Variants in ENDOV observed in about 807,000 individuals in gnomAD.
ENDOV encodes the protein hEndoV.
In ENDOV, 37 loss-of-function variants were observed where a neutral mutation model predicts 39.4. The observed-to-expected ratio is 0.94, with a 90% CI of 0.72 to 1.23. The LOEUF (loss-of-function observed/expected upper bound fraction) is 1.23. Ranked by LOEUF, ENDOV falls within the 50% of genes most tolerant of loss-of-function variation. The probability of loss-of-function intolerance (pLI) is 0.00; values close to 1 mark genes in which losing one functional copy is unlikely to be tolerated. For missense variants in ENDOV, 441 were observed against 375.7 expected (o/e 1.17, Z -1.44); for synonymous variants, 186 against 163.4 (o/e 1.14, Z -1.05).
rs938089539 is a variant in ENDOV, at chr17:80,419,852, C to T, written c.229-1976C>T. The T allele has an allele frequency of 5.8e-5, 35 of 598,846 alleles. 1 individual carries two copies. In the Admixed American group the frequency reaches 6.8e-4, roughly 12 times the overall value. 37.1% of individuals were successfully genotyped at this position (598,846 alleles called of 1,614,324 possible). ...TAACTGTCACCCACGCCATTTCAGT[C>T]GGTGTAGCTGGAAACACTGGTAGCT... On this transcript the variant is annotated intron_variant, in intron 2 of 9. Coordinates refer to ENST00000518137, the MANE Select transcript of ENDOV (RefSeq NM_173627.5).
At position 80,415,671 on chromosome 17, in the gene ENDOV, C is replaced by G; in HGVS notation, c.78C>G (p.Ala26=). The change falls in exon 2 of 10, where the codon GCC becomes GCG. Residue 26 remains alanine (A), a synonymous_variant. Transcript: ENST00000518137. ...CTAGGGAGCAAGCTCGGCTGAAGGC[C>G]CACGTCGTAGACCGGGACACCGAGG... ...LWKREQARLK[A]HVVDRDTEAW... 1 of 1,612,606 alleles carries G rather than the reference C, an allele frequency of 6.2e-7. No individual in the cohort carries two copies. Among genetic ancestry groups the G allele is most frequent in the South Asian group, 1.1e-5 (1 of 90,750 alleles).
In ENDOV at chr17:80,428,588, TC is replaced by T; in HGVS notation, c.715-3del. 2 of 1,576,020 alleles carry T rather than the reference TC, an allele frequency of 1.3e-6. No individual in the cohort carries two copies. Among genetic ancestry groups the T allele is most frequent in the Admixed American group, 1.8e-5 (1 of 55,264 alleles). ...CTCAGCACCCAGCAGCACGTCTGTC[TC>T]CCCCAGGCTGACATCTGCTCCCGAG... On this transcript the variant is annotated splice_region_variant and splice_polypyrimidine_tract_variant and intron_variant, in intron 7 of 9. Transcript: ENST00000518137.
chr17:80,426,190 G>A (rs183140052), intron 7 of ENDOV, among the ~76,000 whole-genome samples: 2 of 152,352 alleles, frequency 1.3e-5, no homozygotes, highest in Admixed American at 6.5e-5. Flanking sequence ...CAGCTGGCAC[G>A]AGATGCCCAC....
At chr17:80,422,118 C>T (rs929573590) in intron 3 of ENDOV, 88 bp from the exon 4 acceptor site, 6 of 1,586,596 alleles carry the variant, frequency 3.8e-6, no homozygotes, top group Non-Finnish European at 4.3e-6. Context: ...ACCCCAGAGA[C>T]AGTGCCCCCT....
Position 80,436,442 on chromosome 17 carries a change from G to T in ENDOV, c.*299G>T. On this transcript the variant is annotated 3_prime_UTR_variant, in exon 10 of 10. Coordinates refer to ENST00000518137, the MANE Select transcript of ENDOV (RefSeq NM_173627.5). ...GATGCTCTTCATCCAGCTGAAGACG[G>T]TCCCTTCTAGTCCTAATTTGTTAAG... The T allele has an allele frequency of 8.9e-7, 1 of 1,124,320 alleles. No individual in the cohort carries two copies. The highest frequency in any genetic ancestry group is 1.2e-6 in the Non-Finnish European group (1 of 852,630). The allele number at this position is 1,124,320 out of a possible 1,614,324, so 69.6% of individuals were successfully genotyped here. A position where few individuals can be genotyped will look rare whatever the true frequency, so the allele number is the denominator to read the frequency against.
At chr17:80,424,468 T>G in intron 5 of ENDOV, 1 of 396,754 alleles carries the variant, frequency 2.5e-6, no homozygotes. Context: ...CTGGGCAGAT[T>G]GTTGCCCTTG....
Position 80,415,634 on chromosome 17 carries a change from G to A in ENDOV, c.57-16G>A, listed in dbSNP as rs1338878041. Reference sequence around the variant, plus strand: ...AGGTGTGACCCCGACCAAGTTTGACGCTTCTGTCCTCCTAGGGAGCAAGCT... The same window carrying A: ...AGGTGTGACCCCGACCAAGTTTGACACTTCTGTCCTCCTAGGGAGCAAGCT... On this transcript the variant is annotated splice_polypyrimidine_tract_variant and intron_variant, in intron 1 of 9. Coordinates refer to ENST00000518137, the MANE Select transcript of ENDOV (RefSeq NM_173627.5). 1.2e-6 allele frequency: 2 copies of A among 1,609,880 alleles called. No homozygotes were observed. Among genetic ancestry groups the A allele is most frequent in the Non-Finnish European group, 1.7e-6 (2 of 1,178,146 alleles).
At chr17:80,415,296 C>A (rs746527623) in intron 1 of ENDOV, 46 bp downstream of exon 1, 6 of 1,599,164 alleles carry the variant, frequency 3.8e-6, no homozygotes, top group African/African-American at 1.3e-5. Context: ...CGAGGCCGGG[C>A]GGCCCTTCGC....
Position 80,424,998 on chromosome 17 carries a change from G to T in ENDOV, c.517-34G>T, listed in dbSNP as rs879127806. 4 of 1,580,282 alleles carry T rather than the reference G, an allele frequency of 2.5e-6. No homozygotes were observed. In the South Asian group the frequency reaches 4.5e-5, roughly 18 times the overall value. On this transcript the variant is annotated intron_variant, in intron 5 of 9. Coordinates refer to ENST00000518137, the MANE Select transcript of ENDOV (RefSeq NM_173627.5). ...TTCAGCCCTTCACCAAGAAGAGAGG[G>T]GTTTTTTTCCCCATTTTTCCCTCCA...
intron 4 of ENDOV, among the ~76,000 whole-genome samples, chr17:80,423,045 G>A (rs1446124005): frequency 6.6e-6 from 1 of 152,218 alleles, no homozygotes; most frequent in Non-Finnish European, 1.5e-5. Flanking sequence ...TGCGGGCGGC[G>A]CAGCAGCACC....
chr17:80,415,359 C>G, intron 1 of ENDOV, 109 bp downstream of exon 1: 11 of 1,338,604 alleles, frequency 8.2e-6, no homozygotes, highest in Non-Finnish European at 1.1e-5. Context: ...TGCCACCGCC[C>G]GAGACTCCAA....
At chr17:80,428,023 G>A (rs529675939) in intron 7 of ENDOV, among the ~76,000 whole-genome samples, 17 of 152,208 alleles carry the variant, frequency 1.1e-4, no homozygotes, top group Non-Finnish European at 1.8e-4. Context: ...CCATGCCCCC[G>A]GGGGTTCCCA....
intron 9 of ENDOV, chr17:80,430,153 A>G: frequency 6.6e-7 from 1 of 1,513,058 alleles, no homozygotes; most frequent in African/African-American, 1.4e-5. Context: ...TTGCTCCGTC[A>G]TCGGCTGGTC....
chr17:80,427,535 T>A, intron 7 of ENDOV: 1 of 1,050,324 alleles, frequency 9.5e-7, no homozygotes, highest in South Asian at 2.8e-5. Flanking sequence ...CCGCAACCAG[T>A]TGGGATATGC....
At chr17:80,420,694 A>C (rs183936429) in intron 2 of ENDOV, among the ~76,000 whole-genome samples, 1 of 152,368 alleles carries the variant, frequency 6.6e-6, no homozygotes, top group African/African-American at 2.4e-5. Flanking sequence ...CATTAAGGGC[A>C]GTGTGACTAA....
chr17:80,429,925 G>C (rs1444402650), intron 9 of ENDOV, 94 bp downstream of exon 9: 1 of 1,601,852 alleles, frequency 6.2e-7, no homozygotes, highest in African/African-American at 1.3e-5. Flanking sequence ...TGGCAGTAGG[G>C]TGGAACTGGG....
chr17:80,415,752 G>A lies in ENDOV; in HGVS notation c.159G>A (p.Val53=). The A allele has an allele frequency of 6.2e-7, 1 of 1,606,444 alleles. No homozygotes were observed. The highest frequency in any genetic ancestry group is 1.1e-5 in the South Asian group (1 of 89,518). The change falls in exon 2 of 10, where the codon GTG becomes GTA. Residue 53 remains valine, a synonymous_variant. Transcript: ENST00000518137. ...SGLQRVGGVD[V]SFVKGDSVRA... ...TGCAGAGGGTCGGGGGCGTTGACGT[G>A]TCCTTCGTGAAAGGGGACAGTGTCC...
intron 9 of ENDOV, among the ~76,000 whole-genome samples, chr17:80,434,152 G>T (rs1009642683): frequency 6.6e-6 from 1 of 152,034 alleles, no homozygotes. Context: ...TGGAATCACC[G>T]TGTGTCTCTG....
chr17:80,415,186 GA>G lies in ENDOV; in HGVS notation c.-8del, dbSNP rs1568196142. On this transcript the variant is annotated 5_prime_UTR_variant, in exon 1 of 10. Transcript: ENST00000518137. ...AGTGACGTGCGGAAGGGGTGCCCGG[GA>G]CGAAGCCATGGCCCTGGAGGCGGCG... is the stretch of plus-strand genomic sequence containing the variant. 3 of 1,612,790 alleles carry G rather than the reference GA, an allele frequency of 1.9e-6. No individual in the cohort carries two copies. Among genetic ancestry groups the G allele is most frequent in the African/African-American group, 1.3e-5 (1 of 74,934 alleles).
Sources: gnomAD v4.1 joint callset for allele counts (sites outside exome capture counted in the v4.1 genomes callset) on GRCh38, gnomAD v4.1.1 for gene constraint, MANE v1.5 for transcripts, NCBI Gene and HGNC (gene_info 2026-07-23, HGNC 2026-07-21) for gene names.